RNF213: variants seen among roughly 807,000 people sequenced by gnomAD.
RNF213 encodes the protein E3 ubiquitin-protein ligase RNF213.
In RNF213, 341 loss-of-function variants were observed where a neutral mutation model predicts 514.4. The observed-to-expected ratio is 0.66, with a 90% CI of 0.61 to 0.73. The LOEUF is 0.73. RNF213 is among the 30% of genes least tolerant of loss of function. RNF213 has a pLI of 0.00. For missense variants in RNF213, 5,767 were observed against 6,615.6 expected (o/e 0.87, Z 4.45); for synonymous variants, 2,655 against 2,658.2 (o/e 1.00, Z 0.04).
At chr17:80,262,667 G>T (rs1187866416) in intron 1 of RNF213, among the ~76,000 whole-genome samples, 1 of 152,218 alleles carries the variant, frequency 6.6e-6, no homozygotes, top group Non-Finnish European at 1.5e-5. Context: ...GTATGTGGTT[G>T]CTCTGAATAG....
rs763904159 is a variant in RNF213, at chr17:80,287,930, C to T, written c.377C>T (p.Pro126Leu). 5 of 1,570,724 alleles carry T rather than the reference C, an allele frequency of 3.2e-6. No homozygotes were observed. Among genetic ancestry groups the T allele is most frequent in the East Asian group, 2.4e-5 (1 of 41,944 alleles). The change falls in exon 4 of 68, where the codon CCG becomes CTG. Residue 126 changes from proline (P) to leucine (L), a missense_variant. Transcript: ENST00000582970. Reference sequence around the variant, plus strand: ...TGTCACCTGACTTTGCTTTCAAACCCGTGGCCTCAGGACACAGCCCTGCCC... The same window carrying T: ...TGTCACCTGACTTTGCTTTCAAACCTGTGGCCTCAGGACACAGCCCTGCCC... The part of the protein sequence containing the change: ...SPCHLTLLSN[P>L]WPQDTALPHS...
In RNF213 at chr17:80,393,878, TTTC is replaced by T; in HGVS notation, c.*385_*387del. The T allele has an allele frequency of 4.1e-6, 1 of 244,446 alleles. No homozygotes were observed. The allele number at this position is 244,446 out of a possible 1,614,324, so 15.1% of individuals were successfully genotyped here. A position where few individuals can be genotyped will look rare whatever the true frequency, so the allele number is the denominator to read the frequency against. ...GGCACTGCCCACCCCTCTTTTTTTT[TTTC>T]TTCTAATTCTGTACTCACAAAAGAG... On this transcript the variant is annotated 3_prime_UTR_variant, in exon 68 of 68. Transcript: ENST00000582970.
chr17:80,393,262 TGAG>T, intron 67 of RNF213, 80 bp from the exon 68 acceptor site: 1 of 1,142,006 alleles, frequency 8.8e-7, no homozygotes, highest in Non-Finnish European at 1.2e-6. Context: ...CTTACACACG[TGAG>T]CCACACAGTG....
At chr17:80,322,294 G>A (rs1166207508) in intron 17 of RNF213, among the ~76,000 whole-genome samples, 1 of 151,224 alleles carries the variant, frequency 6.6e-6, no homozygotes, top group African/African-American at 2.4e-5. Context: ...CCGAGTAGCA[G>A]GGACTACAGG....
At position 80,372,670 on chromosome 17, in the gene RNF213, G is replaced by A. The variant is rs1193475460; in HGVS notation, c.12687G>A (p.Val4229=). 1 of 1,614,072 alleles carries A rather than the reference G, an allele frequency of 6.2e-7. No homozygotes were observed. Among genetic ancestry groups the A allele is most frequent in the Non-Finnish European group, 8.5e-7 (1 of 1,180,032 alleles). ...NEASVEYLQE[V]ARIRLCLDRA... ...CCTCGGTTGAATACCTGCAAGAGGT[G>A]GCCCGGATCCGCCTCTGCCTCGACA... The change falls in exon 48 of 68, where the codon GTG becomes GTA. Residue 4229 remains valine (V), a synonymous_variant. Coordinates refer to ENST00000582970, the MANE Select transcript of RNF213 (RefSeq NM_001256071.3).
intron 47 of RNF213, 57 bp from the exon 48 acceptor site, chr17:80,372,463 TG>T: frequency 1.6e-6 from 2 of 1,260,366 alleles, no homozygotes; most frequent in Non-Finnish European, 2.3e-6. Flanking sequence ...TGTAGAAGCT[TG>T]GGGCATCCAT....
In RNF213 at chr17:80,296,345, G is replaced by A. The variant is rs1007841505; in HGVS notation, c.2012+532G>A. ...TGAATACCCTGCTTTTTGAAGCTTC[G>A]TGTGGTATCATGAGCAGCCTCTGTG... On this transcript the variant is annotated intron_variant, in intron 10 of 67. Transcript: ENST00000582970. 3.9e-5 allele frequency among the ~76,000 whole-genome samples: 6 copies of A among 152,268 alleles called. No homozygotes were observed. The East Asian group carries it at 7.7e-4, about 20-fold the overall frequency.
intron 18 of RNF213, among the ~76,000 whole-genome samples, chr17:80,326,527 A>ATT (rs2046286479): frequency 6.6e-6 from 1 of 152,168 alleles, no homozygotes; most frequent in Non-Finnish European, 1.5e-5. Context: ...GGTTTGGATA[A>ATT]ACCATGGCCT....
At chr17:80,277,617 A>T (rs1229979563) in intron 3 of RNF213, among the ~76,000 whole-genome samples, 2 of 140,448 alleles carry the variant, frequency 1.4e-5, no homozygotes, top group African/African-American at 2.7e-5. Context: ...AAAAAAAAAA[A>T]GCCTAAATAT....
intron 11 of RNF213, 76 bp downstream of exon 11, chr17:80,298,594 G>A: frequency 1.3e-6 from 2 of 1,495,286 alleles, no homozygotes; most frequent in Non-Finnish European, 1.9e-6. Flanking sequence ...GAGTCCCGGT[G>A]GGCTCTGCAG....
chr17:80,351,662 T>G, intron 31 of RNF213, 23 bp from the exon 32 acceptor site: 1 of 1,233,330 alleles, frequency 8.1e-7, no homozygotes, highest in South Asian at 1.2e-5. Flanking sequence ...AAAATAGGTA[T>G]TCTTTTTTTT....
At position 80,376,092 on chromosome 17, in the gene RNF213, G is replaced by C. The variant is rs183819836; in HGVS notation, c.13186-209G>C. On this transcript the variant is annotated intron_variant, in intron 51 of 67. Coordinates refer to ENST00000582970, the MANE Select transcript of RNF213 (RefSeq NM_001256071.3). The stretch of plus-strand genomic sequence containing the variant: ...CAAGAACATAAGATAATGTTTAACA[G>C]AATAGAATATCAAAATTAATGCTTA... Among the ~76,000 whole-genome samples, 423 of 152,302 alleles carry C rather than the reference G, an allele frequency of 2.8e-3. 1 individual carries two copies. The highest frequency in any genetic ancestry group is 9.8e-3 in the African/African-American group (409 of 41,556).
intron 20 of RNF213, among the ~76,000 whole-genome samples, chr17:80,331,497 T>C (rs182622386): frequency 4.6e-5 from 7 of 151,664 alleles, no homozygotes; most frequent in Non-Finnish European, 1.0e-4. Context: ...CAAGTGATTC[T>C]CCTGCCTCAG....
At chr17:80,328,929 C>T (rs760961141) in intron 20 of RNF213, among the ~76,000 whole-genome samples, 1 of 152,256 alleles carries the variant, frequency 6.6e-6, no homozygotes, top group South Asian at 2.1e-4. Context: ...CACAAACTCT[C>T]TGTTTTCCAC....
In RNF213 at chr17:80,390,061, A is replaced by AAAATGCTAAGCTCCTCAGCACATTCCT; in HGVS notation, c.15340_15366dup (p.Ala5114_Asn5122dup). 1.2e-6 allele frequency: 2 copies of AAAATGCTAAGCTCCTCAGCACATTCCT among 1,614,236 alleles called. No individual in the cohort carries two copies. The highest frequency in any genetic ancestry group is 8.5e-7 in the Non-Finnish European group (1 of 1,180,036). ...AGGTACAAAGCGGATCTGAGCCCGG[A>AAAATGCTAAGCTCCTCAGCACATTCCT]AAATGCTAAGCTCCTCAGCACATTC... On this transcript the variant is annotated inframe_insertion, in exon 67 of 68. Coordinates refer to ENST00000582970, the MANE Select transcript of RNF213 (RefSeq NM_001256071.3).
At chr17:80,307,368 T>TG (rs2045404245) in intron 13 of RNF213, among the ~76,000 whole-genome samples, 167 bp downstream of exon 13, 1 of 149,830 alleles carries the variant, frequency 6.7e-6, no homozygotes. Flanking sequence ...GTCTGTTTTT[T>TG]TTTTTTTTTT....
In RNF213 at chr17:80,371,795, G is replaced by A. The variant is rs77615602; in HGVS notation, c.12426-79G>A. 1,691 of 762,434 alleles carry A rather than the reference G, an allele frequency of 2.2e-3. 22 individuals carry two copies. The African/African-American group carries it at 0.026, about 12-fold the overall frequency. 47.2% of individuals were successfully genotyped at this position (762,434 alleles called of 1,614,324 possible). A position where few individuals can be genotyped will look rare whatever the true frequency, so the allele number is the denominator to read the frequency against. Reference sequence around the variant, plus strand: ...ACACACACACACAGGACAGACGACCGATAGATAGATGCTCTTTTTTTTAGT... The same window carrying A: ...ACACACACACACAGGACAGACGACCAATAGATAGATGCTCTTTTTTTTAGT... On this transcript the variant is annotated intron_variant, in intron 46 of 67. Transcript: ENST00000582970.
chr17:80,375,814 A>G lies in RNF213; in HGVS notation c.13129A>G (p.Arg4377Gly). ...QSAYFLLTLF[R>G]EVAILYRSHN... is the part of the protein sequence containing the mutation. ...AGCCTACTTCCTGTTAACACTGTTTAGAGAGGTGGCTATTTTGTACAGATC... is the reference window on the plus strand; with the variant it reads ...AGCCTACTTCCTGTTAACACTGTTTGGAGAGGTGGCTATTTTGTACAGATC... The change falls in exon 51 of 68, where the codon AGA becomes GGA. Residue 4377 changes from arginine (R) to glycine (G), a missense_variant. Arg to Gly is a moderately radical substitution (Grantham distance 125). This residue lies in a region of RNF213 where 1,245 missense variants were observed against 1,339.0 expected (regional missense o/e 0.93). Transcript: ENST00000582970. 6.2e-7 allele frequency: 1 copy of G among 1,614,190 alleles called. No homozygotes were observed. Among genetic ancestry groups the G allele is most frequent in the Non-Finnish European group, 8.5e-7 (1 of 1,180,028 alleles).
At position 80,339,781 on chromosome 17, in the gene RNF213, G is replaced by A; in HGVS notation, c.5414G>A (p.Cys1805Tyr). The A allele has an allele frequency of 6.5e-7, 1 of 1,535,408 alleles. No homozygotes were observed. The highest frequency in any genetic ancestry group is 1.2e-5 in the South Asian group (1 of 84,002). ...DCLDLETLGH[C>Y]LAHLAGMGGS... ...CTCGACCTAGAGACCCTTGGCCACT[G>A]TCTGGCTCACCTGGCAGGGATGGGT... is the stretch of plus-strand genomic sequence containing the variant. Residue 1805 changes from cysteine (C) to tyrosine (Y), a missense_variant, in exon 26 of 68, where the codon TGT becomes TAT. Coordinates refer to ENST00000582970, the MANE Select transcript of RNF213 (RefSeq NM_001256071.3).
Sources: gnomAD v4.1 joint callset for allele counts (sites outside exome capture counted in the v4.1 genomes callset) on GRCh38, gnomAD v4.1.1 for gene constraint, gnomAD v4.1.1 regional missense constraint, MANE v1.5 for transcripts, NCBI Gene and HGNC (gene_info 2026-07-23, HGNC 2026-07-21) for gene names.